Variants in TBC1D2B observed in about 807,000 individuals in gnomAD.
The protein encoded by TBC1D2B is TBC1 domain family, member 2B.
A neutral mutation model predicts 100.8 loss-of-function variants in TBC1D2B; 64 were observed. The ratio of observed to expected loss-of-function variants is 0.64; its 90% CI spans 0.52 to 0.78. The LOEUF (loss-of-function observed/expected upper bound fraction) is 0.78, where lower values mean the gene tolerates loss of function less well. Ranked by LOEUF, TBC1D2B falls within the 30% of genes least tolerant of loss-of-function variation. The probability of loss-of-function intolerance (pLI) is 0.00; values close to 1 mark genes in which losing one functional copy is unlikely to be tolerated. For missense variants in TBC1D2B, 1,052 were observed against 1,218.4 expected (o/e 0.86, Z 2.03); for synonymous variants, 480 against 479.7 (o/e 1.00, Z -0.01).
rs1371694399 is a variant in TBC1D2B at position 78,003,341 on chromosome 15, A to T, written c.2538T>A (p.Phe846Leu). 1.2e-6 allele frequency: 2 copies of T among 1,613,786 alleles called. No homozygotes were observed. The highest frequency in any genetic ancestry group is 1.7e-6 in the Non-Finnish European group (2 of 1,179,886). Residue 846 changes from phenylalanine (F) to leucine (L), a missense_variant, in exon 11 of 13, where the codon TTT becomes TTA. Transcript: ENST00000300584. ...FVDSVVSDILFKIWDSFLYEG... is the reference protein window; with the variant it reads ...FVDSVVSDILLKIWDSFLYEG... ...CATAAAGGAAAGAGTCCCATATTTT[A>T]AAGAGGATGTCACTAACGACACTAT...
intron 6 of TBC1D2B, among the ~76,000 whole-genome samples, chr15:78,020,326 CAA>C (rs1346557883): frequency 2.0e-5 from 3 of 152,178 alleles, no homozygotes; most frequent in Non-Finnish European, 4.4e-5. Flanking sequence ...TCAGTGAAAG[CAA>C]GTAACATCAG....
At chr15:78,050,591 C>T (rs1384500695) in intron 2 of TBC1D2B, among the ~76,000 whole-genome samples, 1 of 152,204 alleles carries the variant, frequency 6.6e-6, no homozygotes, top group South Asian at 2.1e-4. Flanking sequence ...TTTATAGACA[C>T]CTGATTGTAT....
intron 4 of TBC1D2B, among the ~76,000 whole-genome samples, chr15:78,028,340 TG>T (rs1469500793): frequency 5.9e-5 from 9 of 152,154 alleles, no homozygotes; most frequent in Admixed American, 5.2e-4. Flanking sequence ...CCAGGCATTG[TG>T]GTGGGCACCT....
intron 1 of TBC1D2B, among the ~76,000 whole-genome samples, chr15:78,057,459 T>C (rs1246357650): frequency 6.6e-6 from 1 of 152,034 alleles, no homozygotes; most frequent in Non-Finnish European, 1.5e-5. Context: ...CTAGCCAACA[T>C]GGTGAAACCC....
chr15:78,024,263 T>C lies in TBC1D2B; in HGVS notation c.1363A>G (p.Ile455Val), dbSNP rs2072596149. Residue 455 changes from isoleucine to valine, a missense_variant, in exon 6 of 13, where the codon ATC becomes GTC. Ile to Val is a conservative substitution (Grantham distance 29, BLOSUM62 3). Transcript: ENST00000300584. ...TTGCCCTCGCCCTCGCTGAGCTTGA[T>C]GATGACCTCGTCCTTGGCTTGGATG... ...ETIQAKDEVI[I>V]KLSEGEGNGP... 1.2e-6 allele frequency: 2 copies of C among 1,614,032 alleles called. No individual in the cohort carries two copies. Among genetic ancestry groups the C allele is most frequent in the Non-Finnish European group, 1.7e-6 (2 of 1,179,900 alleles).
At chr15:78,033,370 T>C (rs1353425131) in intron 3 of TBC1D2B, among the ~76,000 whole-genome samples, 2 of 152,090 alleles carry the variant, frequency 1.3e-5, no homozygotes, top group Admixed American at 1.3e-4. Context: ...TATAGGTAAG[T>C]CTCCAAAAAC....
intron 3 of TBC1D2B, 25 bp from the exon 4 acceptor site, chr15:78,030,195 A>G (rs2072775119): frequency 6.3e-7 from 1 of 1,589,902 alleles, no homozygotes; most frequent in African/African-American, 1.4e-5. Context: ...AATATGTGTT[A>G]TTAACAAAAA....
chr15:78,039,212 G>A lies in TBC1D2B; in HGVS notation c.683+5688C>T, dbSNP rs115994200. On this transcript the variant is annotated intron_variant, in intron 3 of 12. Transcript: ENST00000300584. The stretch of plus-strand genomic sequence containing the variant: ...AGGAAAATCACAAGTACCACATTAC[G>A]GCTCCGGGACAGGAAAAACTTCCCC... Among the ~76,000 whole-genome samples the A allele has an allele frequency of 7.9e-3, 1,201 of 152,282 alleles. 18 individuals are homozygous for A. The highest frequency in any genetic ancestry group is 0.027 in the African/African-American group (1,137 of 41,556).
chr15:78,056,444 TAGG>T (rs1318050755), intron 1 of TBC1D2B, among the ~76,000 whole-genome samples: 1 of 152,158 alleles, frequency 6.6e-6, no homozygotes, highest in African/African-American at 2.4e-5. Context: ...ACAGTTTGCA[TAGG>T]AGGAGATTAG....
chr15:78,041,087 T>G (rs1183087142), intron 3 of TBC1D2B, among the ~76,000 whole-genome samples: 1 of 152,226 alleles, frequency 6.6e-6, no homozygotes, highest in Non-Finnish European at 1.5e-5. Flanking sequence ...AATCTAAGCA[T>G]AAAATCTTAC....
chr15:78,012,267 A>G (rs926503432), intron 9 of TBC1D2B, among the ~76,000 whole-genome samples: 1 of 152,240 alleles, frequency 6.6e-6, no homozygotes, highest in African/African-American at 2.4e-5. Context: ...ATCCCTGCAC[A>G]GCTCAGGAGG....
chr15:78,040,855 G>GAAGAAAGAAAGAAAGA (rs60990991), intron 3 of TBC1D2B, among the ~76,000 whole-genome samples: 4,364 of 74,784 alleles, frequency 0.058, 197 homozygotes, highest in East Asian at 0.098. Flanking sequence ...AGAAAGAAAG[G>GAAGAAAGAAAGAAAGA]AAGAAAGAAA....
chr15:78,014,120 C>T (rs1216605968), intron 8 of TBC1D2B, among the ~76,000 whole-genome samples: 1 of 152,162 alleles, frequency 6.6e-6, no homozygotes, highest in African/African-American at 2.4e-5. Context: ...CGAATGACTG[C>T]AAGGAACTAT....
At position 78,044,891 on chromosome 15, in the gene TBC1D2B, A is replaced by T. The variant is rs1235857359; in HGVS notation, c.683+9T>A. On this transcript the variant is annotated intron_variant, in intron 3 of 12. Transcript: ENST00000300584. ...TTTCAATTTCATATGCTGCTTTCTA[A>T]AGACTCACTTGAGCTCATTGCCCCA... is the stretch of plus-strand genomic sequence containing the variant. 1 of 1,591,404 alleles carries T rather than the reference A, an allele frequency of 6.3e-7. No individual in the cohort carries two copies. Among genetic ancestry groups the T allele is most frequent in the Non-Finnish European group, 8.6e-7 (1 of 1,166,340 alleles).
At chr15:78,045,694 G>C (rs1174525114) in intron 2 of TBC1D2B, among the ~76,000 whole-genome samples, 2 of 152,122 alleles carry the variant, frequency 1.3e-5, no homozygotes, top group Admixed American at 1.3e-4. Context: ...ATGATGGTCA[G>C]GATTTACTTC....
At chr15:78,046,459 G>A (rs1195567713) in intron 2 of TBC1D2B, among the ~76,000 whole-genome samples, 1 of 151,796 alleles carries the variant, frequency 6.6e-6, no homozygotes, top group Non-Finnish European at 1.5e-5. Context: ...TGTGAAATCA[G>A]AATTGACTGC....
intron 1 of TBC1D2B, among the ~76,000 whole-genome samples, chr15:78,074,573 C>A (rs8039230): frequency 1.3e-5 from 2 of 152,156 alleles, no homozygotes; most frequent in Non-Finnish European, 2.9e-5. Context: ...AAATAAAACA[C>A]TGCAAAACAG....
intron 3 of TBC1D2B, among the ~76,000 whole-genome samples, chr15:78,030,636 G>C (rs549039533): frequency 2.6e-4 from 39 of 152,248 alleles, no homozygotes; most frequent in Non-Finnish European, 5.1e-4. Flanking sequence ...TACACTGCTG[G>C]TGGGATTATA....
intron 4 of TBC1D2B, among the ~76,000 whole-genome samples, chr15:78,025,913 T>A (rs970557823): frequency 1.3e-5 from 2 of 151,886 alleles, no homozygotes; most frequent in African/African-American, 4.8e-5. Context: ...TCCAGGGAGT[T>A]TGGCATTCAC....
Sources: gnomAD v4.1 joint callset for allele counts (sites outside exome capture counted in the v4.1 genomes callset) on GRCh38, gnomAD v4.1.1 for gene constraint, MANE v1.5 for transcripts, NCBI Gene and HGNC (gene_info 2026-07-23, HGNC 2026-07-21) for gene names.